Variants in ADCY8 observed in about 807,000 individuals in gnomAD.
ADCY8 encodes the protein adenylate cyclase 8, also known as adenylate cyclase type 8.
In ADCY8, 51 loss-of-function variants were observed where a neutral mutation model predicts 119.7. The ratio of observed to expected loss-of-function variants is 0.43; its 90% CI spans 0.34 to 0.54. The LOEUF (loss-of-function observed/expected upper bound fraction) is 0.54. ADCY8 is among the 20% of genes least tolerant of loss of function. The pLI, the probability that ADCY8 is intolerant of heterozygous loss-of-function variation, is 0.03. For synonymous variants in ADCY8, 665 were observed against 651.0 expected (o/e 1.02, Z -0.33); for missense variants, 1,383 against 1,598.8 (o/e 0.87, Z 2.30).
chr8:131,026,647 A>G (rs576866192), intron 1 of ADCY8, among the ~76,000 whole-genome samples: 38 of 152,184 alleles, frequency 2.5e-4, no homozygotes, highest in Non-Finnish European at 4.6e-4. Flanking sequence ...AAATTTTGTC[A>G]AGATCTCCAA....
chr8:130,956,690 G>A lies in ADCY8; in HGVS notation c.1111-4692C>T, dbSNP rs140066010. 7.3e-3 allele frequency among the ~76,000 whole-genome samples: 1,113 copies of A among 152,270 alleles called. 18 individuals carry two copies. Among genetic ancestry groups the A allele is most frequent in the African/African-American group, 0.024 (1,011 of 41,524 alleles). ...TAAATTGTACTCCCATAATTCTCAC[G>A]TGTTGTGGGAGGGACCTGGTGGGAG... On this transcript the variant is annotated intron_variant, in intron 2 of 17. Transcript: ENST00000286355.
chr8:130,882,576 C>A (rs1818817293), intron 8 of ADCY8, among the ~76,000 whole-genome samples: 1 of 152,166 alleles, frequency 6.6e-6, no homozygotes, highest in South Asian at 2.1e-4. Flanking sequence ...GTGGCTATGG[C>A]ATCATGGTAG....
At chr8:130,898,851 TAA>T in intron 7 of ADCY8, among the ~76,000 whole-genome samples, 1 of 152,234 alleles carries the variant, frequency 6.6e-6, no homozygotes, top group East Asian at 1.9e-4. Context: ...TTTTTTCTGC[TAA>T]GTCTACTCTT....
At chr8:130,966,338 A>G (rs1321130276) in intron 2 of ADCY8, among the ~76,000 whole-genome samples, 3 of 152,204 alleles carry the variant, frequency 2.0e-5, no homozygotes, top group Admixed American at 2.0e-4. Flanking sequence ...CATGGGTCAA[A>G]CAATGACTCC....
intron 8 of ADCY8, among the ~76,000 whole-genome samples, chr8:130,879,530 AG>A (rs1257249358): frequency 6.6e-6 from 1 of 152,218 alleles, no homozygotes; most frequent in Admixed American, 6.5e-5. Context: ...ACAATTTTTG[AG>A]GGCAACTTCA....
At chr8:131,021,925 C>T (rs1311241835) in intron 1 of ADCY8, among the ~76,000 whole-genome samples, 2 of 152,114 alleles carry the variant, frequency 1.3e-5, no homozygotes, top group Admixed American at 1.3e-4. Context: ...CATTTTCAAA[C>T]ATATGCAAAA....
At chr8:130,975,261 A>G (rs1822037000) in intron 2 of ADCY8, among the ~76,000 whole-genome samples, 1 of 152,222 alleles carries the variant, frequency 6.6e-6, no homozygotes, top group South Asian at 2.1e-4. Flanking sequence ...ATTTGCAAAT[A>G]TTGCACCACA....
At chr8:130,961,512 C>T (rs988510356) in intron 2 of ADCY8, among the ~76,000 whole-genome samples, 6 of 151,888 alleles carry the variant, frequency 4.0e-5, no homozygotes, top group African/African-American at 1.5e-4. Context: ...TTCACAGCTC[C>T]GAATCATCCT....
chr8:131,001,245 G>T (rs1269217325), intron 1 of ADCY8, among the ~76,000 whole-genome samples: 1 of 152,148 alleles, frequency 6.6e-6, no homozygotes, highest in Non-Finnish European at 1.5e-5. Flanking sequence ...CCTGGAAGGA[G>T]ATTAGACGCT....
intron 14 of ADCY8, among the ~76,000 whole-genome samples, chr8:130,813,307 A>G (rs1481669795): frequency 6.6e-6 from 1 of 152,154 alleles, no homozygotes; most frequent in Non-Finnish European, 1.5e-5. Flanking sequence ...TTGTTGTGCA[A>G]CCATCTTCAC....
chr8:130,976,258 G>A (rs1479824229), intron 2 of ADCY8, among the ~76,000 whole-genome samples: 1 of 152,170 alleles, frequency 6.6e-6, no homozygotes, highest in Non-Finnish European at 1.5e-5. Context: ...GGGCCCCTCT[G>A]AAGGCCTTAG....
chr8:130,998,875 G>A (rs1329804), intron 1 of ADCY8, among the ~76,000 whole-genome samples: 78,122 of 151,788 alleles, frequency 0.51, 20,292 homozygotes, highest in East Asian at 0.69. Context: ...AAAAAAATGC[G>A]GATCCTTTGG....
intron 2 of ADCY8, among the ~76,000 whole-genome samples, chr8:130,985,897 G>T (rs779979303): frequency 1.3e-5 from 2 of 152,174 alleles, no homozygotes; most frequent in Non-Finnish European, 2.9e-5. Flanking sequence ...TCCTGCTGCT[G>T]CAACATATGG....
At chr8:130,835,371 C>G (rs1032870269) in intron 12 of ADCY8, among the ~76,000 whole-genome samples, 2 of 152,200 alleles carry the variant, frequency 1.3e-5, no homozygotes, top group Non-Finnish European at 2.9e-5. Flanking sequence ...CACCTTAGAG[C>G]CTGCCCAGAG....
rs190069065 is a variant in ADCY8 at position 130,838,221 on chromosome 8, C to T, written c.2503-1772G>A. ...TGTGTTCTCTCAGAGGGCAAAGGCC[C>T]CATGCCTTTGTGGTACATGGGGTGG... On this transcript the variant is annotated intron_variant, in intron 11 of 17. Transcript: ENST00000286355. 1.8e-3 allele frequency among the ~76,000 whole-genome samples: 268 copies of T among 152,226 alleles called. 1 individual carries two copies. Among genetic ancestry groups the T allele is most frequent in the African/African-American group, 6.3e-3 (261 of 41,536 alleles).
intron 1 of ADCY8, among the ~76,000 whole-genome samples, chr8:131,031,011 A>G (rs1051195349): frequency 6.6e-6 from 1 of 152,326 alleles, no homozygotes; most frequent in African/African-American, 2.4e-5. Flanking sequence ...AGATGCAGCC[A>G]ATGACTTTCA....
At chr8:130,992,106 G>A (rs1586636838) in intron 1 of ADCY8, among the ~76,000 whole-genome samples, 1 of 149,990 alleles carries the variant, frequency 6.7e-6, no homozygotes, top group African/African-American at 2.4e-5. Flanking sequence ...TTTGAATGGA[G>A]TCTCACTCCA....
At chr8:130,810,429 G>T (rs1266991008) in intron 14 of ADCY8, among the ~76,000 whole-genome samples, 1 of 151,650 alleles carries the variant, frequency 6.6e-6, no homozygotes, top group African/African-American at 2.4e-5. Flanking sequence ...TAGCAGCATT[G>T]TAAGGGGGAG....
chr8:130,895,286 A>G lies in ADCY8; in HGVS notation c.1911+8486T>C, dbSNP rs972771052. Among the ~76,000 whole-genome samples, 6 of 152,100 alleles carry G rather than the reference A, an allele frequency of 3.9e-5. No homozygotes were observed. In the South Asian group the frequency reaches 8.3e-4, roughly 21 times the overall value. On this transcript the variant is annotated intron_variant, in intron 7 of 17. Transcript: ENST00000286355. ...CAATATCTCATAAAAGAAGAGTCCA[A>G]TTCGTTTGTGTAGAAAAGTTTTAGC... is the stretch of plus-strand genomic sequence containing the variant.
Sources: allele counts gnomAD v4.1 joint callset (sites outside exome capture counted in the v4.1 genomes callset), GRCh38; gene constraint gnomAD v4.1.1; transcripts MANE v1.5; gene names NCBI Gene and HGNC (gene_info 2026-07-23, HGNC 2026-07-21).